Variants in CEL observed in about 807,000 individuals in gnomAD.
CEL encodes the protein carboxyl ester lipase.
A neutral mutation model predicts 57.1 loss-of-function variants in CEL; 39 were observed. The observed-to-expected ratio is 0.68, with a 90% CI of 0.53 to 0.89. The LOEUF (loss-of-function observed/expected upper bound fraction) is 0.89. CEL is among the 40% of genes least tolerant of loss of function. The pLI is 0.00. For missense variants in CEL, 698 were observed against 915.0 expected, an observed-to-expected ratio of 0.76 and a Z score of 3.06; for synonymous variants, 314 against 396.6, an observed-to-expected ratio of 0.79 and a Z score of 2.48.
chr9:133,063,301 A>G (rs1045966993), intron 1 of CEL, among the ~76,000 whole-genome samples: 6 of 152,118 alleles, frequency 3.9e-5, no homozygotes, highest in Admixed American at 2.0e-4. Context: ...GCCAGTCTCA[A>G]TTGCACAGGG....
intron 1 of CEL, among the ~76,000 whole-genome samples, chr9:133,063,119 G>A (rs1477720542): frequency 1.3e-5 from 2 of 151,710 alleles, no homozygotes; most frequent in Non-Finnish European, 2.9e-5. Context: ...CACCTCTGCT[G>A]CCTGCTCTCC....
chr9:133,065,032 C>T lies in CEL; in HGVS notation c.341-8C>T. 1.9e-6 allele frequency: 3 copies of T among 1,612,730 alleles called. No individual in the cohort carries two copies. Among genetic ancestry groups the T allele is most frequent in the Middle Eastern group, 1.7e-4 (1 of 6,058 alleles). On this transcript the variant is annotated splice_region_variant and splice_polypyrimidine_tract_variant and intron_variant, in intron 3 of 10. Coordinates refer to ENST00000372080, the MANE Select transcript of CEL (RefSeq NM_001807.6). ...CGTCTGGGGTCACCAGCCGCTCCCC[C>T]ATCTCAGTCTCCCGGGACCTGCCCG...
chr9:133,068,238 T>C (rs997382247), intron 7 of CEL, among the ~76,000 whole-genome samples: 11 of 152,200 alleles, frequency 7.2e-5, no homozygotes, highest in African/African-American at 2.7e-4. Flanking sequence ...CATTTTTGGC[T>C]GATGGACTGG....
At chr9:133,065,869 A>AT (rs1564211143) in intron 4 of CEL, among the ~76,000 whole-genome samples, 2 of 147,388 alleles carry the variant, frequency 1.4e-5, no homozygotes, top group African/African-American at 5.1e-5. Context: ...AAAAAAAAAA[A>AT]TAGCCAGGCG....
At chr9:133,063,349 A>G (rs1322387770) in intron 1 of CEL, among the ~76,000 whole-genome samples, 1 of 152,170 alleles carries the variant, frequency 6.6e-6, no homozygotes, top group Admixed American at 6.5e-5. Flanking sequence ...GATGCCTCGC[A>G]GGGGATGCCC....
intron 10 of CEL, 143 bp downstream of exon 10, chr9:133,070,801 A>C: frequency 8.0e-7 from 1 of 1,255,994 alleles, no homozygotes; most frequent in Non-Finnish European, 1.1e-6. Context: ...TGTGTGTTTG[A>C]GGATGAGAGT....
At chr9:133,065,399 A>C (rs1588489148) in intron 4 of CEL, among the ~76,000 whole-genome samples, 162 bp downstream of exon 4, 1 of 152,216 alleles carries the variant, frequency 6.6e-6, no homozygotes, top group East Asian at 1.9e-4. Context: ...TGGTAGCTGT[A>C]GTAAAATAAA....
At chr9:133,064,994 G>A (rs769457022) in intron 3 of CEL, 46 bp from the exon 4 acceptor site, 40 of 1,511,114 alleles carry the variant, frequency 2.6e-5, no homozygotes, top group Non-Finnish European at 3.4e-5. Context: ...GCTGGAGACA[G>A]GGCCAGGCGG....
chr9:133,067,044 G>A, intron 6 of CEL, 44 bp from the exon 7 acceptor site: 3 of 1,611,274 alleles, frequency 1.9e-6, no homozygotes, highest in Non-Finnish European at 2.5e-6. Context: ...TCTGAGCCCT[G>A]AGCTCCGGCC....
chr9:133,063,160 G>A (rs1724206180), intron 1 of CEL, among the ~76,000 whole-genome samples: 1 of 152,198 alleles, frequency 6.6e-6, no homozygotes, highest in Admixed American at 6.5e-5. Context: ...CGGGAGGTTT[G>A]GGCAGTGGTC....
chr9:133,063,171 C>T (rs687763), intron 1 of CEL, among the ~76,000 whole-genome samples: 5,015 of 152,056 alleles, frequency 0.033, 53 homozygotes, highest in East Asian at 0.06. Context: ...GGCAGTGGTC[C>T]TGGGCTCCTG....
chr9:133,062,786 A>G (rs1482942743), intron 1 of CEL, among the ~76,000 whole-genome samples: 1 of 151,524 alleles, frequency 6.6e-6, no homozygotes, highest in Non-Finnish European at 1.5e-5. Flanking sequence ...ACGGGTGGAG[A>G]GAAGCAGGCA....
Position 133,065,214 on chromosome 9 carries a change from G to A in CEL, c.515G>A (p.Ser172Asn). 6.2e-7 allele frequency: 1 copy of A among 1,613,494 alleles called. No individual in the cohort carries two copies. The highest frequency in any genetic ancestry group is 8.5e-7 in the Non-Finnish European group (1 of 1,180,036). ...NYRVGPLGFL[S>N]TGDANLPGNY... ...CGTGTCGGCCCCCTTGGGTTCCTCA[G>A]CACTGGGGACGCCAATCTGCCAGGT... is the stretch of plus-strand genomic sequence containing the variant. The change falls in exon 4 of 11, where the codon AGC (serine) becomes AAC (asparagine). Residue 172 changes from serine to asparagine, a missense_variant. Transcript: ENST00000372080.
chr9:133,068,041 CA>C lies in CEL; in HGVS notation c.896-630del, dbSNP rs999483877. ...ACATGCCATGAAGCCAAGTCATCTG[CA>C]CGTTTACCTGACATGAGCTCAACTG... On this transcript the variant is annotated intron_variant, in intron 7 of 10. Transcript: ENST00000372080. Among the ~76,000 whole-genome samples the C allele has an allele frequency of 3.4e-4, 52 of 152,332 alleles. 1 individual carries two copies. The highest frequency in any genetic ancestry group is 1.2e-3 in the African/African-American group (51 of 41,564).
intron 7 of CEL, among the ~76,000 whole-genome samples, chr9:133,068,288 C>T (rs1441082800): frequency 6.6e-6 from 1 of 152,098 alleles, no homozygotes. Flanking sequence ...TCCATCAGTT[C>T]CCTCAGTGGC....
chr9:133,064,460 C>A lies in CEL; in HGVS notation c.123C>A (p.Gly41=). The change falls in exon 2 of 11, where the codon GGC becomes GGA. Residue 41 remains glycine, a synonymous_variant. Coordinates refer to ENST00000372080, the MANE Select transcript of CEL (RefSeq NM_001807.6). ...TGGAAGGCGTCAATAAGAAGCTCGG[C>A]CTCCTGGGTGACTCTGTGGACATCT... is the stretch of plus-strand genomic sequence containing the variant. ...GFVEGVNKKL[G]LLGDSVDIFK... 6.2e-7 allele frequency: 1 copy of A among 1,614,192 alleles called. No individual in the cohort carries two copies. The highest frequency in any genetic ancestry group is 8.5e-7 in the Non-Finnish European group (1 of 1,180,016).
At position 133,065,067 on chromosome 9, in the gene CEL, G is replaced by A; in HGVS notation, c.368G>A (p.Trp123Ter). Residue 123 changes from tryptophan (W) to a stop codon, truncating the protein, a stop_gained, in exon 4 of 11, where the codon TGG (tryptophan) becomes TAG (stop). Coordinates refer to ENST00000372080, the MANE Select transcript of CEL (RefSeq NM_001807.6). LOFTEE classifies it high-confidence loss of function. ...QVSRDLPVMI[W>*]IYGGAFLMGS... The stretch of plus-strand genomic sequence containing the variant: ...TCCCGGGACCTGCCCGTTATGATCT[G>A]GATCTATGGAGGCGCCTTCCTCATG... 6.2e-7 allele frequency: 1 copy of A among 1,613,682 alleles called. No homozygotes were observed. Among genetic ancestry groups the A allele is most frequent in the Non-Finnish European group, 8.5e-7 (1 of 1,180,016 alleles).
Position 133,066,268 on chromosome 9 carries a change from C to A in CEL, c.539-262C>A, listed in dbSNP as rs1397017484. Among the ~76,000 whole-genome samples the A allele has an allele frequency of 4.0e-5, 6 of 151,624 alleles. No individual in the cohort carries two copies. Among genetic ancestry groups the A allele is most frequent in the Non-Finnish European group, 8.8e-5 (6 of 67,860 alleles). ...ACCAACCCAACCTCCTGGGGACCCA[C>A]CCCATACAGCACCGCACCCGACTCA... On this transcript the variant is annotated intron_variant, in intron 4 of 10. Coordinates refer to ENST00000372080, the MANE Select transcript of CEL (RefSeq NM_001807.6). This position sits in a 1 kb window ranked among gnomAD's most constrained non-coding sequence, Gnocchi z 4.3.
rs375595842 is a variant in CEL, at chr9:133,066,588, G to T, written c.597G>T (p.Ala199=). 49 of 1,613,964 alleles carry T rather than the reference G, an allele frequency of 3.0e-5. 1 individual carries two copies. In the East Asian group the frequency reaches 1.0e-3, roughly 33 times the overall value. ...TTGCTTGGGTGAAGAGGAATATCGC[G>T]GCCTTCGGGGGGGACCCCAACAACA... The part of the protein sequence containing the change: ...MAIAWVKRNI[A]AFGGDPNNIT... The change falls in exon 5 of 11, where the codon GCG becomes GCT. Residue 199 remains alanine, a synonymous_variant. Coordinates refer to ENST00000372080, the MANE Select transcript of CEL (RefSeq NM_001807.6). The surrounding 1 kb of genome is among the most constrained non-coding windows in gnomAD (Gnocchi z 4.3).
Sources: gnomAD v4.1 joint callset for allele counts (sites outside exome capture counted in the v4.1 genomes callset) on GRCh38, gnomAD v4.1.1 for gene constraint, Gnocchi (gnomAD v3.1) non-coding constraint, MANE v1.5 for transcripts, NCBI Gene and HGNC (gene_info 2026-07-23, HGNC 2026-07-21) for gene names.